The following GPHN variants were observed in gnomAD, a reference collection of about 807,000 sequenced individuals.
The protein encoded by GPHN is gephyrin.
GPHN carries 17 observed loss-of-function variants against 95.5 expected under a neutral mutation model. The ratio of observed to expected loss-of-function variants is 0.18; its 90% CI spans 0.12 to 0.27. The LOEUF is 0.27. GPHN is among the 10% of genes least tolerant of loss of function. The pLI is 1.00. For synonymous variants in GPHN, 320 were observed against 322.5 expected (o/e 0.99, Z 0.08); for missense variants, 660 against 978.1 (o/e 0.67, Z 4.34).
chr14:66,586,269 G>C (rs1200288674), intron 1 of GPHN, among the ~76,000 whole-genome samples: 1 of 151,682 alleles, frequency 6.6e-6, no homozygotes, highest in Non-Finnish European at 1.5e-5. Flanking sequence ...CCTTTATTTT[G>C]AGCCTATGTG....
At chr14:67,606,938 G>T in the GPHN span, among the ~76,000 whole-genome samples, 1 of 152,126 alleles carries the variant, frequency 6.6e-6, no homozygotes, top group Non-Finnish European at 1.5e-5. Flanking sequence ...GAGCCACCCT[G>T]CCCGGCCAAG....
the GPHN span, chr14:67,579,003 G>C: frequency 4.5e-6 from 3 of 670,598 alleles, no homozygotes; most frequent in African/African-American, 5.5e-5. Context: ...CCAGACCAGA[G>C]TCTTCAGGGC....
chr14:66,719,102 G>T (rs966334035), intron 2 of GPHN, among the ~76,000 whole-genome samples: 4 of 152,180 alleles, frequency 2.6e-5, no homozygotes, highest in Non-Finnish European at 4.4e-5. Flanking sequence ...GGCAAGCAGG[G>T]CTGAGAACTT....
the GPHN span, among the ~76,000 whole-genome samples, chr14:67,436,822 G>A: frequency 6.6e-6 from 1 of 152,208 alleles, no homozygotes; most frequent in Non-Finnish European, 1.5e-5. Flanking sequence ...TTGGGAGGCT[G>A]AGATGGGAGG....
chr14:67,439,593 C>CTTTCCTTCT, the GPHN span, among the ~76,000 whole-genome samples: 1,790 of 109,772 alleles, frequency 0.016, 80 homozygotes, highest in Admixed American at 0.071. Flanking sequence ...TTCTTTCTTT[C>CTTTCCTTCT]TTCTTTCTTT....
chr14:67,614,854 T>A, the GPHN span: 1 of 152,078 alleles, frequency 6.6e-6, no homozygotes, highest in Non-Finnish European at 1.5e-5. Flanking sequence ...GGTTTTTTTT[T>A]TTTGTGTTGA....
chr14:66,809,011 C>G (rs1190677705), intron 3 of GPHN, among the ~76,000 whole-genome samples: 1 of 152,106 alleles, frequency 6.6e-6, no homozygotes, highest in East Asian at 1.9e-4. Context: ...ATTATTAATT[C>G]TATTTGCAGG....
chr14:66,949,777 T>A (rs1380528655), intron 8 of GPHN, among the ~76,000 whole-genome samples: 2 of 152,156 alleles, frequency 1.3e-5, no homozygotes, highest in Non-Finnish European at 2.9e-5. Flanking sequence ...AAAATAATTA[T>A]TAGAAGAGAA....
chr14:67,401,441 G>A, the GPHN span, among the ~76,000 whole-genome samples: 3 of 152,174 alleles, frequency 2.0e-5, no homozygotes, highest in Non-Finnish European at 4.4e-5. Flanking sequence ...GGGCCCAGGA[G>A]GTTAATGCTA....
chr14:67,676,442 T>C, the GPHN span, among the ~76,000 whole-genome samples: 1 of 151,952 alleles, frequency 6.6e-6, no homozygotes, highest in Non-Finnish European at 1.5e-5. Context: ...AAAGGATCAA[T>C]AGCCTGGGGC....
At chr14:67,099,730 C>A (rs915194404) in intron 12 of GPHN, among the ~76,000 whole-genome samples, 4 of 151,878 alleles carry the variant, frequency 2.6e-5, no homozygotes, top group African/African-American at 4.8e-5. Flanking sequence ...TTTATATAAG[C>A]CTTTAGAAAA....
rs951315884 is a variant in GPHN at position 66,906,628 on chromosome 14, C to A, written c.390-9375C>A. On this transcript the variant is annotated intron_variant, in intron 5 of 22. Transcript: ENST00000478722. ...TTCTAGTGATATTCTCTGTGCTGTT[C>A]ATTTGCTTTTGGTTTCCTGTTGAGA... Among the ~76,000 whole-genome samples the A allele has an allele frequency of 2.0e-5, 3 of 152,106 alleles. No individual in the cohort carries two copies. In the South Asian group the frequency reaches 6.2e-4, roughly 32 times the overall value.
chr14:67,499,410 T>C, the GPHN span, among the ~76,000 whole-genome samples: 1 of 152,198 alleles, frequency 6.6e-6, no homozygotes, highest in Non-Finnish European at 1.5e-5. Context: ...ATTTCCCTGA[T>C]TAATTCAAAT....
intron 1 of GPHN, among the ~76,000 whole-genome samples, chr14:66,585,888 G>T (rs865993947): frequency 4.6e-5 from 7 of 152,286 alleles, no homozygotes; most frequent in South Asian, 4.2e-4. Flanking sequence ...GGAGAGTTCT[G>T]TAGATGTCTA....
chr14:67,715,820 C>T, the GPHN span, among the ~76,000 whole-genome samples: 1 of 152,186 alleles, frequency 6.6e-6, no homozygotes, highest in Non-Finnish European at 1.5e-5. Context: ...TATTGCATGT[C>T]TGCTTCATGC....
the GPHN span, among the ~76,000 whole-genome samples, chr14:67,328,263 G>A: frequency 6.6e-6 from 1 of 152,152 alleles, no homozygotes; most frequent in Non-Finnish European, 1.5e-5. Context: ...TGTGTCTGTT[G>A]GCTGCATGAA....
intron 4 of GPHN, among the ~76,000 whole-genome samples, chr14:66,877,644 A>C (rs1168827966): frequency 1.3e-5 from 2 of 152,170 alleles, no homozygotes; most frequent in African/African-American, 4.8e-5. Flanking sequence ...AATTGCTACA[A>C]AGAGAATAAA....
the GPHN span, chr14:67,380,559 A>T: frequency 9.5e-6 from 5 of 527,198 alleles, no homozygotes; most frequent in African/African-American, 2.0e-5. Flanking sequence ...ATTAACTATT[A>T]TATGCTTAAC....
At chr14:66,594,457 A>G (rs1031456645) in intron 1 of GPHN, among the ~76,000 whole-genome samples, 2 of 152,228 alleles carry the variant, frequency 1.3e-5, no homozygotes, top group Non-Finnish European at 2.9e-5. Context: ...TGGTGCTGGC[A>G]TAAAAGCAGA....
Sources: gnomAD v4.1 joint callset for allele counts (sites outside exome capture counted in the v4.1 genomes callset) on GRCh38, gnomAD v4.1.1 for gene constraint, MANE v1.5 for transcripts, NCBI Gene and HGNC (gene_info 2026-07-23, HGNC 2026-07-21) for gene names.